The following ADGRB3 variants were observed in gnomAD, a reference collection of about 807,000 sequenced individuals.
The protein encoded by ADGRB3 is brain-specific angiogenesis inhibitor 3.
A neutral mutation model predicts 193.4 loss-of-function variants in ADGRB3; 37 were observed. The observed-to-expected ratio is 0.19, with a 90% CI of 0.15 to 0.25. The LOEUF is 0.25. Among genes scored for constraint, ADGRB3 ranks in the 10% least tolerant of loss-of-function variants. The pLI, the probability that ADGRB3 is intolerant of heterozygous loss-of-function variation, is 1.00. For synonymous variants in ADGRB3, 690 were observed against 644.2 expected (o/e 1.07, Z -1.08); for missense variants, 1,637 against 1,852.9 (o/e 0.88, Z 2.14).
chr6:68,793,814 C>A (rs1767154248), intron 3 of ADGRB3, among the ~76,000 whole-genome samples: 1 of 152,158 alleles, frequency 6.6e-6, no homozygotes, highest in Non-Finnish European at 1.5e-5. Context: ...CAGGCATAAG[C>A]CACCACGCCC....
chr6:69,033,112 C>G (rs963121333), intron 13 of ADGRB3, among the ~76,000 whole-genome samples: 1 of 151,870 alleles, frequency 6.6e-6, no homozygotes, highest in African/African-American at 2.4e-5. Context: ...CAAAGAAGAC[C>G]CAGATCTCAG....
chr6:68,793,863 C>A (rs889634032), intron 3 of ADGRB3, among the ~76,000 whole-genome samples: 4 of 152,114 alleles, frequency 2.6e-5, no homozygotes, highest in African/African-American at 9.7e-5. Context: ...AAAATTATCA[C>A]CCCATTTACA....
At chr6:68,734,536 G>A (rs772870879) in intron 3 of ADGRB3, among the ~76,000 whole-genome samples, 14 of 151,880 alleles carry the variant, frequency 9.2e-5, no homozygotes, top group Non-Finnish European at 1.9e-4. Context: ...AGAAAGAGCC[G>A]TCTGTATATT....
intron 17 of ADGRB3, among the ~76,000 whole-genome samples, chr6:69,197,079 T>A (rs534582259): frequency 1.5e-4 from 23 of 152,228 alleles, no homozygotes; most frequent in African/African-American, 5.5e-4. Context: ...TGGGTGTCTA[T>A]GTCTCTTATC....
At chr6:68,653,820 C>T (rs571236940) in intron 3 of ADGRB3, among the ~76,000 whole-genome samples, 1 of 151,830 alleles carries the variant, frequency 6.6e-6, no homozygotes, top group South Asian at 2.1e-4. Flanking sequence ...TTTGTCCTTC[C>T]TTTCCTTCCT....
intron 31 of ADGRB3, among the ~76,000 whole-genome samples, chr6:69,384,067 T>G (rs1770009086): frequency 6.6e-6 from 1 of 151,982 alleles, no homozygotes; most frequent in African/African-American, 2.4e-5. Context: ...TCTTTATGTT[T>G]TTCTTTTATT....
rs1454766044 is a variant in ADGRB3 at position 68,638,823 on chromosome 6, A to G, written c.148A>G (p.Lys50Glu). 1 of 1,614,120 alleles carries G rather than the reference A, an allele frequency of 6.2e-7. No individual in the cohort carries two copies. The highest frequency in any genetic ancestry group is 8.5e-7 in the Non-Finnish European group (1 of 1,180,016). Residue 50 changes from lysine to glutamate, a missense_variant, in exon 3 of 32, where the codon AAA (lysine) becomes GAA (glutamate). Lys to Glu is a moderately conservative substitution (Grantham distance 56, BLOSUM62 1). Coordinates refer to ENST00000370598, the MANE Select transcript of ADGRB3 (RefSeq NM_001704.3). Reference sequence around the variant, plus strand: ...GTATTCTGTAAGTGAAATGTTTCCTAAAAACTTTACAAACTGCACTTGGAC... The same window carrying G: ...GTATTCTGTAAGTGAAATGTTTCCTGAAAACTTTACAAACTGCACTTGGAC... Reference protein sequence around the residue: ...GSYSVSEMFPKNFTNCTWTLE... With the variant: ...GSYSVSEMFPENFTNCTWTLE...
At chr6:69,004,452 T>C (rs1769681616) in intron 11 of ADGRB3, among the ~76,000 whole-genome samples, 1 of 152,028 alleles carries the variant, frequency 6.6e-6, no homozygotes, top group Admixed American at 6.6e-5. Context: ...CTAGGGTACA[T>C]GTGCACAACG....
intron 17 of ADGRB3, among the ~76,000 whole-genome samples, chr6:69,215,492 GTAGA>G (rs1765756838): frequency 6.6e-6 from 1 of 151,114 alleles, no homozygotes. Context: ...GTAGATAGAT[GTAGA>G]TAGATATATC....
Position 69,017,153 on chromosome 6 carries a change from T to TC in ADGRB3, c.1999-1237dup, listed in dbSNP as rs374170604. Among the ~76,000 whole-genome samples the TC allele has an allele frequency of 2.6e-3, 396 of 152,072 alleles. 2 individuals carry two copies. Among genetic ancestry groups the TC allele is most frequent in the Middle Eastern group, 0.02 (6 of 294 alleles). ...AGTCTAATATCCATCATTCATGTCTTCAAGTATATGTGAGTAAATATACTG... is the reference window on the plus strand; with the variant it reads ...AGTCTAATATCCATCATTCATGTCTTCCAAGTATATGTGAGTAAATATACTG... On this transcript the variant is annotated intron_variant, in intron 12 of 31. Coordinates refer to ENST00000370598, the MANE Select transcript of ADGRB3 (RefSeq NM_001704.3).
At position 69,010,992 on chromosome 6, in the gene ADGRB3, A is replaced by G. The variant is rs72908719; in HGVS notation, c.1930-3046A>G. On this transcript the variant is annotated intron_variant, in intron 11 of 31. Transcript: ENST00000370598. ...GCAGCTTCATACTTTGAAAAATTCA[A>G]TCATGCGGCCTGAAATGTCATGAGT... Among the ~76,000 whole-genome samples the G allele has an allele frequency of 5.9e-3, 891 of 152,038 alleles. 2 individuals are homozygous for G. The highest frequency in any genetic ancestry group is 9.6e-3 in the Admixed American group (146 of 15,228).
At chr6:68,755,205 C>T (rs1192449836) in intron 3 of ADGRB3, among the ~76,000 whole-genome samples, 1 of 152,056 alleles carries the variant, frequency 6.6e-6, no homozygotes, top group Non-Finnish European at 1.5e-5. Flanking sequence ...GATTATCTTC[C>T]CTCCAGAATA....
At chr6:69,208,162 T>C (rs962709818) in intron 17 of ADGRB3, among the ~76,000 whole-genome samples, 6 of 152,190 alleles carry the variant, frequency 3.9e-5, no homozygotes, top group Non-Finnish European at 8.8e-5. Flanking sequence ...CATGGGCCCA[T>C]TGGGCAATAA....
intron 13 of ADGRB3, among the ~76,000 whole-genome samples, chr6:69,033,064 T>TA (rs1770760316): frequency 6.6e-6 from 1 of 152,092 alleles, no homozygotes; most frequent in African/African-American, 2.4e-5. Context: ...TCCTACATTT[T>TA]AAAAAATATA....
At chr6:69,173,323 C>T (rs1775337788) in intron 17 of ADGRB3, among the ~76,000 whole-genome samples, 1 of 152,240 alleles carries the variant, frequency 6.6e-6, no homozygotes, top group South Asian at 2.1e-4. Context: ...CAGGCGTGAG[C>T]CACGGTGCCC....
At position 68,956,785 on chromosome 6, in the gene ADGRB3, A is replaced by C; in HGVS notation, c.1501A>C (p.Arg501=). The change falls in exon 8 of 32, where the codon AGA becomes CGA. Residue 501 remains arginine (R), a synonymous_variant. Transcript: ENST00000370598. ...QCEGTGEEVR[R]CNEQRCPAPY... is the part of the protein sequence containing the mutation. ...TGAAGGAACGGGCGAAGAAGTGAGA[A>C]GATGCAATGAGCAGCGATGCCCTGG... The C allele has an allele frequency of 1.2e-6, 2 of 1,613,998 alleles. No homozygotes were observed. Among genetic ancestry groups the C allele is most frequent in the South Asian group, 1.1e-5 (1 of 91,078 alleles).
At chr6:69,047,697 T>C (rs1771277279) in intron 13 of ADGRB3, among the ~76,000 whole-genome samples, 1 of 152,134 alleles carries the variant, frequency 6.6e-6, no homozygotes, top group Admixed American at 6.5e-5. Context: ...TTGTTCTCCA[T>C]TTCTTCAGAG....
chr6:69,054,104 AT>A (rs1226837617), intron 15 of ADGRB3, among the ~76,000 whole-genome samples: 1 of 152,182 alleles, frequency 6.6e-6, no homozygotes, highest in African/African-American at 2.4e-5. Context: ...AACTAATAAA[AT>A]TATATGTAAA....
chr6:69,208,462 C>T (rs995530852), intron 17 of ADGRB3, among the ~76,000 whole-genome samples: 76 of 152,196 alleles, frequency 5.0e-4, no homozygotes, highest in African/African-American at 1.8e-3. Flanking sequence ...GCCATTTCCC[C>T]TTCCATGCAA....
Sources: gnomAD v4.1 joint callset for allele counts (sites outside exome capture counted in the v4.1 genomes callset) on GRCh38, gnomAD v4.1.1 for gene constraint, MANE v1.5 for transcripts, NCBI Gene and HGNC (gene_info 2026-07-23, HGNC 2026-07-21) for gene names.